TBCD: variants seen among roughly 807,000 people sequenced by gnomAD.
The protein encoded by TBCD is tubulin-specific chaperone D.
A neutral mutation model predicts 169.3 loss-of-function variants in TBCD; 105 were observed. The ratio of observed to expected loss-of-function variants is 0.62; its 90% CI spans 0.53 to 0.73. The LOEUF is 0.73. Ranked by LOEUF, TBCD falls within the 30% of genes least tolerant of loss-of-function variation. TBCD has a pLI of 0.00. For synonymous variants in TBCD, 700 were observed against 643.9 expected, an observed-to-expected ratio of 1.09 and a Z score of -1.32; for missense variants, 1,444 against 1,600.1, an observed-to-expected ratio of 0.90 and a Z score of 1.66.
At chr17:82,792,873 C>A (rs1180194575) in intron 7 of TBCD, among the ~76,000 whole-genome samples, 1 of 152,112 alleles carries the variant, frequency 6.6e-6, no homozygotes, top group Non-Finnish European at 1.5e-5. Flanking sequence ...AGTCATCCTC[C>A]CCCCTCAGCC....
intron 14 of TBCD, among the ~76,000 whole-genome samples, chr17:82,881,237 A>T (rs1483119570): frequency 6.6e-6 from 1 of 152,174 alleles, no homozygotes; most frequent in African/African-American, 2.4e-5. Flanking sequence ...GGGCCTTTCC[A>T]CGCTGAGACC....
intron 2 of TBCD, among the ~76,000 whole-genome samples, chr17:82,759,603 G>A (rs2047644650): frequency 6.6e-6 from 1 of 152,174 alleles, no homozygotes; most frequent in Non-Finnish European, 1.5e-5. Flanking sequence ...GATGACAGGT[G>A]TGAGCCACTG....
At position 82,827,681 on chromosome 17, in the gene TBCD, C is replaced by A. The variant is rs147034144; in HGVS notation, c.1318+12747C>A. ...ACACCCAATCGAATGTGCACAACTA[C>A]CCCCACAGATAGCACACACCCACAC... On this transcript the variant is annotated intron_variant, in intron 13 of 38. Coordinates refer to ENST00000355528, the MANE Select transcript of TBCD (RefSeq NM_005993.5). 7.8e-3 allele frequency among the ~76,000 whole-genome samples: 1,191 copies of A among 152,232 alleles called. 14 individuals carry two copies. The highest frequency in any genetic ancestry group is 0.011 in the Non-Finnish European group (730 of 67,988).
At chr17:82,853,219 A>G (rs888245022) in intron 13 of TBCD, among the ~76,000 whole-genome samples, 14 of 152,100 alleles carry the variant, frequency 9.2e-5, no homozygotes, top group African/African-American at 3.4e-4. Flanking sequence ...AGCTGGAACC[A>G]CAGGCATGTG....
rs1357581527 is a variant in TBCD, at chr17:82,944,088, T to C, written c.*1625T>C. The C allele has an allele frequency of 5.9e-5, 9 of 152,248 alleles. 1 individual carries two copies. Among genetic ancestry groups the C allele is most frequent in the Admixed American group, 5.9e-4 (9 of 15,290 alleles). 9.4% of individuals were successfully genotyped at this position (152,248 alleles called of 1,614,324 possible). The stretch of plus-strand genomic sequence containing the variant: ...GAACAAGTGGCTTCTGAGAAAAACA[T>C]GATGAACTGTTCTTAGTGCAATTAA... On this transcript the variant is annotated 3_prime_UTR_variant, in exon 39 of 39. Coordinates refer to ENST00000355528, the MANE Select transcript of TBCD (RefSeq NM_005993.5).
chr17:82,937,847 G>T, intron 35 of TBCD: 3 of 1,495,632 alleles, frequency 2.0e-6, no homozygotes, highest in South Asian at 2.5e-5. Context: ...TTCCCACAGT[G>T]ACTTTCCAAG....
chr17:82,787,889 G>A (rs1288352442), intron 7 of TBCD, among the ~76,000 whole-genome samples: 2 of 152,172 alleles, frequency 1.3e-5, no homozygotes, highest in Non-Finnish European at 1.5e-5. Flanking sequence ...CCCAATTTAA[G>A]CATTAAGATT....
At chr17:82,760,943 T>C (rs1478472382) in intron 2 of TBCD, among the ~76,000 whole-genome samples, 1 of 152,210 alleles carries the variant, frequency 6.6e-6, no homozygotes, top group African/African-American at 2.4e-5. Flanking sequence ...ATGAAATGTT[T>C]ACTTCAATAG....
intron 13 of TBCD, among the ~76,000 whole-genome samples, chr17:82,844,339 C>T (rs941994901): frequency 3.9e-5 from 6 of 151,938 alleles, no homozygotes; most frequent in African/African-American, 9.7e-5. Flanking sequence ...ACTGCAGGAG[C>T]GCCATGCCAT....
chr17:82,919,776 T>C (rs1237153051), intron 23 of TBCD, among the ~76,000 whole-genome samples: 1 of 152,182 alleles, frequency 6.6e-6, no homozygotes, highest in East Asian at 1.9e-4. Flanking sequence ...TGGCAGTATC[T>C]GTGACGATGG....
intron 7 of TBCD, among the ~76,000 whole-genome samples, chr17:82,794,316 G>C (rs1374396525): frequency 6.6e-6 from 1 of 152,214 alleles, no homozygotes; most frequent in East Asian, 1.9e-4. Flanking sequence ...GCCATCGAAA[G>C]GTGGGGCGGG....
intron 35 of TBCD, chr17:82,937,827 G>T (rs2062759722): frequency 6.8e-7 from 1 of 1,462,696 alleles, no homozygotes; most frequent in Admixed American, 2.1e-5. Context: ...CCTCTGTGAG[G>T]CGTCCTCACT....
In TBCD at chr17:82,758,400, A is replaced by AT. The variant is rs1555672640; in HGVS notation, c.235+2185_235+2186insT. ...AACGTCTCGGAAAAAAAAAAAAAAA[A>AT]AAATAAATAAATAAATAAATTTTTT... is the stretch of plus-strand genomic sequence containing the variant. On this transcript the variant is annotated intron_variant, in intron 2 of 38. Coordinates refer to ENST00000355528, the MANE Select transcript of TBCD (RefSeq NM_005993.5). 1.1e-3 allele frequency among the ~76,000 whole-genome samples: 115 copies of AT among 100,050 alleles called. 2 individuals carry two copies. The highest frequency in any genetic ancestry group is 4.0e-3 in the African/African-American group (109 of 27,500). The allele number at this position is 100,050 out of a possible 152,430, so 65.6% of individuals were successfully genotyped here.
intron 37 of TBCD, 88 bp from the exon 38 acceptor site, chr17:82,941,311 G>C (rs531837240): frequency 2.6e-6 from 3 of 1,154,192 alleles, no homozygotes; most frequent in Non-Finnish European, 3.7e-6. Context: ...CCCTGACTGC[G>C]GCCATGGAAG....
At chr17:82,899,283 T>A (rs796077333) in intron 17 of TBCD, among the ~76,000 whole-genome samples, 5 of 150,238 alleles carry the variant, frequency 3.3e-5, no homozygotes, top group African/African-American at 1.2e-4. Flanking sequence ...AGCGCGTGTG[T>A]CCTCAGTGCG....
chr17:82,807,703 GTGGGCCGGCCTCTCCT>G, intron 11 of TBCD, 35 bp downstream of exon 11: 4 of 1,424,126 alleles, frequency 2.8e-6, no homozygotes, highest in Non-Finnish European at 3.7e-6. Context: ...ACCCCGGGGG[GTGGGCCGGCCTCTCCT>G]GTGCGATTCA....
In TBCD at chr17:82,922,029, C is replaced by G. The variant is rs1217517882; in HGVS notation, c.2178+452C>G. Among the ~76,000 whole-genome samples the G allele has an allele frequency of 6.6e-6, 1 of 152,164 alleles. No individual in the cohort carries two copies. The highest frequency in any genetic ancestry group is 1.5e-5 in the Non-Finnish European group (1 of 68,022). ...GTGTGTGTGTGTCCCCGGCCACCTG[C>G]CCTCCCCTCCCGTCCTGGGGGTTAC... On this transcript the variant is annotated intron_variant, in intron 25 of 38. Transcript: ENST00000355528. The surrounding 1 kb of genome is among the most constrained non-coding windows in gnomAD (Gnocchi z 4.1).
At chr17:82,927,143 C>G (rs1400445305) in intron 28 of TBCD, 43 bp from the exon 29 acceptor site, 1 of 1,611,316 alleles carries the variant, frequency 6.2e-7, no homozygotes, top group East Asian at 2.2e-5. Flanking sequence ...GAAGATGAGG[C>G]TCACCGATGT....
intron 22 of TBCD, among the ~76,000 whole-genome samples, 192 bp downstream of exon 22, chr17:82,909,499 T>C (rs1410752064): frequency 7.8e-6 from 1 of 127,872 alleles, no homozygotes; most frequent in Non-Finnish European, 1.7e-5. Context: ...GTTGAGTGGG[T>C]GTCACCTGGC....
Sources: gnomAD v4.1 joint callset for allele counts (sites outside exome capture counted in the v4.1 genomes callset) on GRCh38, gnomAD v4.1.1 for gene constraint, Gnocchi (gnomAD v3.1) non-coding constraint, MANE v1.5 for transcripts, NCBI Gene and HGNC (gene_info 2026-07-23, HGNC 2026-07-21) for gene names.